The following IMMP2L variants were observed in gnomAD, a reference collection of about 807,000 sequenced individuals.
IMMP2L encodes mitochondrial inner membrane protease subunit 2.
Under a neutral mutation model 19.3 loss-of-function variants are expected in IMMP2L, and 18 were observed. That is an observed-to-expected ratio of 0.93 (90% CI 0.64 to 1.38). IMMP2L has a LOEUF of 1.38. Among genes scored for constraint, IMMP2L ranks in the 40% most tolerant of loss-of-function variants. The pLI, the probability that IMMP2L is intolerant of heterozygous loss-of-function variation, is 0.00. For synonymous variants in IMMP2L, 76 were observed against 73.0 expected (o/e 1.04, Z -0.21); for missense variants, 233 against 218.2 (o/e 1.07, Z -0.43).
At chr7:111,446,588 A>C (rs1286264990) in intron 3 of IMMP2L, among the ~76,000 whole-genome samples, 1 of 152,016 alleles carries the variant, frequency 6.6e-6, no homozygotes, top group Non-Finnish European at 1.5e-5. Flanking sequence ...AAAAGTAGAT[A>C]AAACCACAAA....
intron 5 of IMMP2L, among the ~76,000 whole-genome samples, chr7:110,851,691 A>C (rs1006890430): frequency 2.6e-5 from 4 of 152,086 alleles, no homozygotes; most frequent in African/African-American, 7.2e-5. Context: ...TAACTCACAA[A>C]ATTATGACAC....
chr7:111,310,345 A>G (rs1363891025), intron 3 of IMMP2L, among the ~76,000 whole-genome samples: 1 of 152,024 alleles, frequency 6.6e-6, no homozygotes, highest in Non-Finnish European at 1.5e-5. Context: ...CATGGCACAA[A>G]AAGTATTAAG....
chr7:111,235,987 T>C (rs925783514), intron 3 of IMMP2L, among the ~76,000 whole-genome samples: 1 of 152,248 alleles, frequency 6.6e-6, no homozygotes. Context: ...ATTTTTTTCA[T>C]CTTAGGTCCT....
chr7:111,310,546 C>A (rs923521453), intron 3 of IMMP2L, among the ~76,000 whole-genome samples: 2 of 152,080 alleles, frequency 1.3e-5, no homozygotes, highest in African/African-American at 4.8e-5. Context: ...ACACCTTCTT[C>A]TTCTACCTTT....
intron 3 of IMMP2L, among the ~76,000 whole-genome samples, chr7:111,292,860 T>C (rs1369814856): frequency 6.6e-6 from 1 of 152,048 alleles, no homozygotes. Context: ...ATATTCATTA[T>C]TTTATCTTCT....
In IMMP2L at chr7:110,902,795, A is replaced by G. The variant is rs1432380640; in HGVS notation, c.306-16100T>C. Among the ~76,000 whole-genome samples the G allele has an allele frequency of 4.5e-5, 4 of 88,954 alleles. 1 individual carries two copies. The highest frequency in any genetic ancestry group is 2.1e-4 in the African/African-American group (4 of 18,960). 58.4% of individuals were successfully genotyped at this position (88,954 alleles called of 152,430 possible). A position where few individuals can be genotyped will look rare whatever the true frequency, so the allele number is the denominator to read the frequency against. ...AAAAAAAAAAAAATTAGCCGGGCGTAGTGGCGGGCGCCTGTAGTCCCAGCT... is the reference window on the plus strand; with the variant it reads ...AAAAAAAAAAAAATTAGCCGGGCGTGGTGGCGGGCGCCTGTAGTCCCAGCT... On this transcript the variant is annotated intron_variant, in intron 4 of 5. Transcript: ENST00000405709.
At chr7:110,669,390 A>C (rs1207463112) in intron 5 of IMMP2L, among the ~76,000 whole-genome samples, 2 of 152,164 alleles carry the variant, frequency 1.3e-5, no homozygotes, top group African/African-American at 4.8e-5. Flanking sequence ...GAAGAGGCTT[A>C]CCCACATTAC....
intron 4 of IMMP2L, among the ~76,000 whole-genome samples, chr7:110,907,664 T>C (rs917082777): frequency 6.6e-6 from 1 of 152,224 alleles, no homozygotes; most frequent in African/African-American, 2.4e-5. Context: ...CTATCAATAG[T>C]TTCTAGATTT....
intron 5 of IMMP2L, among the ~76,000 whole-genome samples, chr7:110,781,304 G>C (rs1471542320): frequency 6.6e-6 from 1 of 151,830 alleles, no homozygotes; most frequent in African/African-American, 2.4e-5. Flanking sequence ...ACAATACTGA[G>C]TACAAATTCC....
intron 5 of IMMP2L, among the ~76,000 whole-genome samples, chr7:110,839,671 CTATG>C (rs1324625635): frequency 6.6e-6 from 1 of 151,880 alleles, no homozygotes; most frequent in East Asian, 1.9e-4. Flanking sequence ...ATAATGAGGG[CTATG>C]TATGTGTTCC....
intron 3 of IMMP2L, among the ~76,000 whole-genome samples, chr7:111,309,039 A>G (rs529441331): frequency 6.6e-6 from 1 of 152,246 alleles, no homozygotes; most frequent in Admixed American, 6.5e-5. Context: ...ACTGATTTGT[A>G]GAATAAAGTA....
intron 3 of IMMP2L, among the ~76,000 whole-genome samples, chr7:111,173,517 A>C (rs1035828857): frequency 6.6e-6 from 1 of 151,602 alleles, no homozygotes; most frequent in African/African-American, 2.4e-5. Context: ...AGAGTGTATG[A>C]ATTTTATACA....
chr7:110,980,125 A>T (rs1821113914), intron 3 of IMMP2L, among the ~76,000 whole-genome samples: 2 of 117,238 alleles, frequency 1.7e-5, no homozygotes, highest in South Asian at 4.6e-4. Flanking sequence ...TACCTCTAGC[A>T]CTGTCTTCAT....
At chr7:110,737,162 G>C (rs930922372) in intron 5 of IMMP2L, among the ~76,000 whole-genome samples, 1 of 152,154 alleles carries the variant, frequency 6.6e-6, no homozygotes, top group African/African-American at 2.4e-5. Context: ...ACACCAGAAA[G>C]CCAAGATAAT....
At chr7:110,700,367 GCACCACTACTTGC>G (rs1794193231) in intron 5 of IMMP2L, among the ~76,000 whole-genome samples, 1 of 151,954 alleles carries the variant, frequency 6.6e-6, no homozygotes, top group African/African-American at 2.4e-5. Flanking sequence ...TTCTTTCAAA[GCACCACTACTTGC>G]CACCATCCCA....
chr7:111,040,090 G>T (rs1034983926), intron 3 of IMMP2L, among the ~76,000 whole-genome samples: 1 of 152,122 alleles, frequency 6.6e-6, no homozygotes, highest in Non-Finnish European at 1.5e-5. Flanking sequence ...ACTTGAAGCC[G>T]GGAGGCAGAC....
chr7:111,534,843 C>T (rs74632908), intron 1 of IMMP2L, among the ~76,000 whole-genome samples: 27 of 152,108 alleles, frequency 1.8e-4, no homozygotes, highest in East Asian at 1.7e-3. Context: ...AGCATACCAA[C>T]GAAGAAATGC....
chr7:111,013,823 T>G (rs1825220082), intron 3 of IMMP2L, among the ~76,000 whole-genome samples: 1 of 152,066 alleles, frequency 6.6e-6, no homozygotes, highest in Admixed American at 6.6e-5. Flanking sequence ...GTAGACTGCT[T>G]ATTTTTTTTT....
intron 3 of IMMP2L, among the ~76,000 whole-genome samples, chr7:111,309,966 G>A (rs1487873316): frequency 1.3e-5 from 2 of 152,018 alleles, no homozygotes; most frequent in Admixed American, 6.6e-5. Context: ...CGGGCACGGT[G>A]GCTCACACCT....
Sources: gnomAD v4.1 joint callset for allele counts (sites outside exome capture counted in the v4.1 genomes callset) on GRCh38, gnomAD v4.1.1 for gene constraint, MANE v1.5 for transcripts, NCBI Gene and HGNC (gene_info 2026-07-23, HGNC 2026-07-21) for gene names.